The following AUTS2 variants were observed in gnomAD, a reference collection of about 807,000 sequenced individuals.
AUTS2 encodes the protein activator of transcription and developmental regulator AUTS2, also known as autism susceptibility gene 2 protein.
Under a neutral mutation model 112.4 loss-of-function variants are expected in AUTS2, and 17 were observed. That is an observed-to-expected ratio of 0.15 (90% CI 0.10 to 0.23). The LOEUF (loss-of-function observed/expected upper bound fraction) is 0.23, where lower values mean the gene tolerates loss of function less well. Ranked by LOEUF, AUTS2 falls within the 10% of genes least tolerant of loss-of-function variation. AUTS2 has a pLI of 1.00. For synonymous variants in AUTS2, 751 were observed against 702.7 expected (o/e 1.07, Z -1.09); for missense variants, 1,510 against 1,701.6 (o/e 0.89, Z 1.98).
chr7:70,623,847 C>T (rs531857537), intron 5 of AUTS2, among the ~76,000 whole-genome samples: 1 of 152,320 alleles, frequency 6.6e-6, no homozygotes, highest in South Asian at 2.1e-4. Flanking sequence ...AACCTTTACG[C>T]ACTGTCAGAA....
chr7:69,650,405 C>G lies in AUTS2; in HGVS notation c.309+50443C>G, dbSNP rs184224234. ...CCTGTTAAAAAGGCACTTTCTGTAG[C>G]CTTCCTATCCCAGGCCTTCTGAATT... On this transcript the variant is annotated intron_variant, in intron 1 of 18. Transcript: ENST00000342771. Among the ~76,000 whole-genome samples, 24 of 152,300 alleles carry G rather than the reference C, an allele frequency of 1.6e-4. No homozygotes were observed. In the East Asian group the frequency reaches 4.4e-3, roughly 28 times the overall value.
intron 1 of AUTS2, among the ~76,000 whole-genome samples, chr7:69,660,581 G>A (rs1414790444): frequency 6.6e-6 from 1 of 152,122 alleles, no homozygotes; most frequent in East Asian, 1.9e-4. Context: ...AAGTTGATCT[G>A]GAAAAGATGC....
At chr7:70,695,712 G>C (rs1809053985) in intron 5 of AUTS2, among the ~76,000 whole-genome samples, 2 of 140,418 alleles carry the variant, frequency 1.4e-5, no homozygotes, top group Admixed American at 7.1e-5. Flanking sequence ...CCTCCAATCT[G>C]TTTCACTTAC....
chr7:69,826,698 C>T (rs1791262693), intron 1 of AUTS2, among the ~76,000 whole-genome samples: 1 of 152,122 alleles, frequency 6.6e-6, no homozygotes, highest in South Asian at 2.1e-4. Context: ...CACTTTTAGT[C>T]TATTGTAAGT....
chr7:70,683,473 G>T (rs1808307560), intron 5 of AUTS2, among the ~76,000 whole-genome samples: 1 of 152,194 alleles, frequency 6.6e-6, no homozygotes. Flanking sequence ...TGAATCTACA[G>T]ACTGCTCTCC....
At chr7:70,454,253 G>A (rs775100840) in intron 5 of AUTS2, among the ~76,000 whole-genome samples, 2 of 152,144 alleles carry the variant, frequency 1.3e-5, no homozygotes, top group Non-Finnish European at 2.9e-5. Flanking sequence ...TAGATATAAA[G>A]GCCAGGTGTG....
chr7:70,164,329 A>G (rs1808270426), intron 4 of AUTS2, among the ~76,000 whole-genome samples: 1 of 152,096 alleles, frequency 6.6e-6, no homozygotes, highest in Non-Finnish European at 1.5e-5. Flanking sequence ...ACTTTATTCA[A>G]ATTTTCTTAG....
intron 2 of AUTS2, among the ~76,000 whole-genome samples, chr7:70,100,610 G>A (rs542519443): frequency 4.6e-4 from 69 of 151,268 alleles, no homozygotes; most frequent in African/African-American, 1.6e-3. Context: ...CCTGGTGTGT[G>A]ATGTTCCCCT....
intron 5 of AUTS2, among the ~76,000 whole-genome samples, chr7:70,530,227 G>A (rs559140643): frequency 1.3e-4 from 20 of 152,168 alleles, no homozygotes; most frequent in Non-Finnish European, 2.9e-4. Context: ...GCTGGGGAGT[G>A]TTATGGGTTT....
At chr7:69,860,193 C>T (rs1463546667) in intron 1 of AUTS2, among the ~76,000 whole-genome samples, 1 of 151,844 alleles carries the variant, frequency 6.6e-6, no homozygotes, top group African/African-American at 2.4e-5. Context: ...GGATGATGAC[C>T]TGAGTTACAG....
intron 5 of AUTS2, among the ~76,000 whole-genome samples, chr7:70,523,581 C>G (rs1799726975): frequency 6.6e-6 from 1 of 152,168 alleles, no homozygotes. Context: ...ATCTAGACTC[C>G]TCTTCAGGAA....
intron 5 of AUTS2, among the ~76,000 whole-genome samples, chr7:70,555,474 T>A (rs1801206772): frequency 6.6e-6 from 1 of 152,142 alleles, no homozygotes; most frequent in Non-Finnish European, 1.5e-5. Flanking sequence ...ATTGAGAATT[T>A]TGACTTGGGA....
chr7:70,733,544 A>AC lies in AUTS2; in HGVS notation c.743-29321dup, dbSNP rs1181265568. Among the ~76,000 whole-genome samples, 41 of 44,000 alleles carry AC rather than the reference A, an allele frequency of 9.3e-4. 1 individual carries two copies. Among genetic ancestry groups the AC allele is most frequent in the African/African-American group, 3.2e-3 (37 of 11,478 alleles). The allele number at this position is 44,000 out of a possible 152,430, so 28.9% of individuals were successfully genotyped here. A position where few individuals can be genotyped will look rare whatever the true frequency, so the allele number is the denominator to read the frequency against. ...CCACCTGTACTCTCACCACCCCCCT[A>AC]CCCCCACATCTAGATTATGCAGTTG... is the stretch of plus-strand genomic sequence containing the variant. On this transcript the variant is annotated intron_variant, in intron 6 of 18. Coordinates refer to ENST00000342771, the MANE Select transcript of AUTS2 (RefSeq NM_015570.4).
chr7:69,689,363 T>C, intron 1 of AUTS2, among the ~76,000 whole-genome samples: 1 of 141,644 alleles, frequency 7.1e-6, no homozygotes, highest in Non-Finnish European at 1.5e-5. Context: ...TTTTTTTTTT[T>C]TTTTTGAGAC....
intron 6 of AUTS2, among the ~76,000 whole-genome samples, chr7:70,746,592 A>G (rs971047549): frequency 1.1e-4 from 17 of 152,254 alleles, no homozygotes; most frequent in African/African-American, 4.1e-4. Context: ...GCAGATGGCT[A>G]GCAGGGGCTG....
rs200744940 is a variant in AUTS2, at chr7:70,017,863, ATT to A, written c.523-100267_523-100266del. 7.2e-3 allele frequency among the ~76,000 whole-genome samples: 1,070 copies of A among 148,550 alleles called. 10 individuals are homozygous for A. The highest frequency in any genetic ancestry group is 0.039 in the Middle Eastern group (11 of 280). ...GATTTCTTTTATATATTTATATTAT[ATT>A]TATATATATATGTTTTACTGATCAC... On this transcript the variant is annotated intron_variant, in intron 2 of 18. Transcript: ENST00000342771.
intron 5 of AUTS2, among the ~76,000 whole-genome samples, chr7:70,597,811 A>G (rs1014443427): frequency 6.6e-6 from 1 of 152,204 alleles, no homozygotes; most frequent in African/African-American, 2.4e-5. Context: ...ACACTGGTAG[A>G]TAATTAGCAC....
chr7:69,971,678 C>T (rs146595483), intron 2 of AUTS2, among the ~76,000 whole-genome samples: 4 of 152,220 alleles, frequency 2.6e-5, no homozygotes, highest in East Asian at 1.9e-4. Context: ...ATAATTTTGT[C>T]GTCTCAAGAA....
At chr7:70,748,954 A>C (rs1378423513) in intron 6 of AUTS2, among the ~76,000 whole-genome samples, 1 of 152,206 alleles carries the variant, frequency 6.6e-6, no homozygotes, top group Non-Finnish European at 1.5e-5. Context: ...GAAGGTGCTC[A>C]CAGTTGTACT....
Sources: allele counts gnomAD v4.1 joint callset (sites outside exome capture counted in the v4.1 genomes callset), GRCh38; gene constraint gnomAD v4.1.1; transcripts MANE v1.5; gene names NCBI Gene and HGNC (gene_info 2026-07-23, HGNC 2026-07-21).